Variants in LLGL1 observed in about 807,000 individuals in gnomAD.
The protein encoded by LLGL1 is lethal(2) giant larvae protein homolog 1.
A neutral mutation model predicts 110.6 loss-of-function variants in LLGL1; 58 were observed. The ratio of observed to expected loss-of-function variants is 0.52; its 90% CI spans 0.42 to 0.65. LLGL1 has a LOEUF of 0.65. Among genes scored for constraint, LLGL1 ranks in the 30% least tolerant of loss-of-function variants. The pLI is 0.00. For missense variants in LLGL1, 1,229 were observed against 1,462.1 expected (o/e 0.84, Z 2.60); for synonymous variants, 674 against 607.2 (o/e 1.11, Z -1.62).
At chr17:18,229,842 G>A in intron 1 of LLGL1, 99 bp from the exon 2 acceptor site, 1 of 751,790 alleles carries the variant, frequency 1.3e-6, no homozygotes, top group Non-Finnish European at 2.2e-6. Flanking sequence ...CAGTGTGTCA[G>A]CTGCAGACCC....
At position 18,240,666 on chromosome 17, in the gene LLGL1, T is replaced by C; in HGVS notation, c.2295T>C (p.Gly765=). The C allele has an allele frequency of 6.2e-7, 1 of 1,613,078 alleles. No individual in the cohort carries two copies. Among genetic ancestry groups the C allele is most frequent in the Non-Finnish European group, 8.5e-7 (1 of 1,179,800 alleles). Residue 765 remains glycine (G), a synonymous_variant, in exon 17 of 23, where the codon GGT becomes GGC. Coordinates refer to ENST00000316843, the MANE Select transcript of LLGL1 (RefSeq NM_004140.4). The surrounding 1 kb of genome is among the most constrained non-coding windows in gnomAD (Gnocchi z 5.3). ...TGGAGGTGCCGGCAGCAGCAGTGGG[T>C]GGTGAGAAGCGGCCTGAGCAAGCGG... The part of the protein sequence containing the change: ...YALEVPAAAV[G]GEKRPEQAVE...
intron 7 of LLGL1, 31 bp from the exon 8 acceptor site, chr17:18,234,618 G>A: frequency 6.2e-7 from 1 of 1,612,854 alleles, no homozygotes; most frequent in Non-Finnish European, 8.5e-7. Flanking sequence ...AACCACCAGT[G>A]AGTCTGGTCT....
At chr17:18,230,299 C>A (rs540149867) in intron 2 of LLGL1, among the ~76,000 whole-genome samples, 2 of 152,296 alleles carry the variant, frequency 1.3e-5, no homozygotes, top group African/African-American at 4.8e-5. Flanking sequence ...TGCTACGTGT[C>A]AGCCAGCCAG....
chr17:18,233,793 T>C lies in LLGL1; in HGVS notation c.408T>C (p.Leu136=), dbSNP rs1189950733. The change falls in exon 5 of 23, where the codon CTT becomes CTC. Residue 136 remains leucine, a synonymous_variant. Coordinates refer to ENST00000316843, the MANE Select transcript of LLGL1 (RefSeq NM_004140.4). ...TTCCCTGCAGTGCTCCGCTCAGCCT[T>C]ACCCGAGTCACAGTGGTCCTGCTGG... ...GFDGASAPLS[L]TRVTVVLLVA... is the part of the protein sequence containing the mutation. 2 of 1,613,830 alleles carry C rather than the reference T, an allele frequency of 1.2e-6. No individual in the cohort carries two copies. Among genetic ancestry groups the C allele is most frequent in the South Asian group, 2.2e-5 (2 of 91,062 alleles).
In LLGL1 at chr17:18,225,664, G is replaced by C. The variant is rs775836951; in HGVS notation, c.-19G>C. 4.9e-5 allele frequency: 49 copies of C among 990,298 alleles called. 1 individual carries two copies. Among genetic ancestry groups the C allele is most frequent in the East Asian group, 2.1e-4 (2 of 9,468 alleles). The allele number at this position is 990,298 out of a possible 1,614,324, so 61.3% of individuals were successfully genotyped here. A position where few individuals can be genotyped will look rare whatever the true frequency, so the allele number is the denominator to read the frequency against. On this transcript the variant is annotated 5_prime_UTR_variant, in exon 1 of 23. Transcript: ENST00000316843. ...TGCGGGCGGCGGCGGCGGGCGAGGC[G>C]CCTGCAGCCGGGCGCAAGATGATGA...
chr17:18,235,561 T>C, intron 11 of LLGL1, 24 bp downstream of exon 11: 1 of 1,608,388 alleles, frequency 6.2e-7, no homozygotes, highest in East Asian at 2.2e-5. Context: ...CTTATGTGGG[T>C]GAGTGGGCCC....
At chr17:18,227,533 C>G (rs1255369075) in intron 1 of LLGL1, among the ~76,000 whole-genome samples, 1 of 152,096 alleles carries the variant, frequency 6.6e-6, no homozygotes, top group Non-Finnish European at 1.5e-5. Flanking sequence ...ACTACAGGCT[C>G]GTGTCACCAT....
rs1480801050 is a variant in LLGL1 at position 18,241,729 on chromosome 17, G to C, written c.2767+14G>C. The C allele has an allele frequency of 6.2e-7, 1 of 1,610,668 alleles. No homozygotes were observed. Among genetic ancestry groups the C allele is most frequent in the Non-Finnish European group, 8.5e-7 (1 of 1,178,210 alleles). The stretch of plus-strand genomic sequence containing the variant: ...GCCATGGCCAGGGTGAGGCGGGGCA[G>C]AGGCCGAGGAGGCCTTCCTCAGGCG... On this transcript the variant is annotated intron_variant, in intron 18 of 22. Transcript: ENST00000316843.
In LLGL1 at chr17:18,240,854, C is replaced by A; in HGVS notation, c.2483C>A (p.Ala828Glu). The change falls in exon 17 of 23, where the codon GCA (alanine) becomes GAA (glutamate). Residue 828 changes from alanine (A) to glutamate (E), a missense_variant. Coordinates refer to ENST00000316843, the MANE Select transcript of LLGL1 (RefSeq NM_004140.4). This position sits in a 1 kb window ranked among gnomAD's most constrained non-coding sequence, Gnocchi z 5.3. ...DMQGGHAVLI[A>E]SEEQFKVFTL... Reference sequence around the variant, plus strand: ...CAGGGTGGTCACGCTGTGCTCATCGCATCTGAGGAGCAGTTCAAGGTGAGC... The same window carrying A: ...CAGGGTGGTCACGCTGTGCTCATCGAATCTGAGGAGCAGTTCAAGGTGAGC... 4 of 1,541,074 alleles carry A rather than the reference C, an allele frequency of 2.6e-6. No homozygotes were observed. Among genetic ancestry groups the A allele is most frequent in the Non-Finnish European group, 3.5e-6 (4 of 1,136,932 alleles).
At chr17:18,237,949 A>G in intron 14 of LLGL1, 118 bp from the exon 15 acceptor site, 2 of 1,352,430 alleles carry the variant, frequency 1.5e-6, no homozygotes, top group Admixed American at 2.1e-5. Flanking sequence ...CTGGGTCCAT[A>G]GGACTGCGCC....
chr17:18,236,507 G>C, intron 11 of LLGL1, 100 bp from the exon 12 acceptor site: 1 of 1,191,550 alleles, frequency 8.4e-7, no homozygotes, highest in Non-Finnish European at 1.2e-6. Context: ...TGTTTGGCAC[G>C]TGCAGTAGGT....
rs778527897 is a variant in LLGL1 at position 18,233,961 on chromosome 17, C to G, written c.551+25C>G. ...GGTAAGAGGCCGGTGGGCTTCCCAGCACCCACTGTGTGCCCGGGAAGTTCT... is the reference window on the plus strand; with the variant it reads ...GGTAAGAGGCCGGTGGGCTTCCCAGGACCCACTGTGTGCCCGGGAAGTTCT... On this transcript the variant is annotated intron_variant, in intron 5 of 22. Transcript: ENST00000316843. 3.1e-6 allele frequency: 5 copies of G among 1,602,604 alleles called. No individual in the cohort carries two copies. In the South Asian group the frequency reaches 4.4e-5, roughly 14 times the overall value.
intron 22 of LLGL1, 58 bp downstream of exon 22, chr17:18,242,880 C>T (rs940602487): frequency 2.4e-5 from 35 of 1,449,576 alleles, no homozygotes; most frequent in East Asian, 1.7e-4. Context: ...CCCTTCAGCC[C>T]GTCTGGGTAC....
At chr17:18,243,721 A>T (rs916499240) in intron 22 of LLGL1, among the ~76,000 whole-genome samples, 187 bp from the exon 23 acceptor site, 2 of 152,142 alleles carry the variant, frequency 1.3e-5, no homozygotes, top group African/African-American at 4.8e-5. Flanking sequence ...AGTGGGGCAT[A>T]TGTGGCCTGG....
At chr17:18,225,938 G>A (rs1159736411) in intron 1 of LLGL1, among the ~76,000 whole-genome samples, 175 bp downstream of exon 1, 2 of 150,936 alleles carry the variant, frequency 1.3e-5, no homozygotes, top group Non-Finnish European at 3.0e-5. Context: ...GCTCTGGCTC[G>A]GACTCTGGGT....
At chr17:18,230,592 T>C (rs1168418204) in intron 2 of LLGL1, among the ~76,000 whole-genome samples, 1 of 20,340 alleles carries the variant, frequency 4.9e-5, no homozygotes, top group Non-Finnish European at 1.0e-4. Context: ...GGGGTGGGGG[T>C]GGGGGCAGGC....
At chr17:18,225,835 T>G (rs2047424869) in intron 1 of LLGL1, 72 bp downstream of exon 1, 12 of 399,364 alleles carry the variant, frequency 3.0e-5, no homozygotes, top group South Asian at 1.0e-4. Flanking sequence ...GGGCCCGGGG[T>G]CGGAGCCACG....
intron 1 of LLGL1, among the ~76,000 whole-genome samples, chr17:18,226,231 T>G (rs943806785): frequency 6.6e-6 from 1 of 152,154 alleles, no homozygotes; most frequent in African/African-American, 2.4e-5. Context: ...TCTCTGAGTC[T>G]TCTTTGCCTG....
At chr17:18,225,979 C>G (rs1315645536) in intron 1 of LLGL1, among the ~76,000 whole-genome samples, 4 of 151,940 alleles carry the variant, frequency 2.6e-5, no homozygotes, top group Non-Finnish European at 5.9e-5. Context: ...CTTTCCGTGT[C>G]TGCTCCCCGA....
Sources: gnomAD v4.1 joint callset for allele counts (sites outside exome capture counted in the v4.1 genomes callset) on GRCh38, gnomAD v4.1.1 for gene constraint, Gnocchi (gnomAD v3.1) non-coding constraint, MANE v1.5 for transcripts, NCBI Gene and HGNC (gene_info 2026-07-23, HGNC 2026-07-21) for gene names.